The following KDM7A variants were observed in gnomAD, a reference collection of about 807,000 sequenced individuals.
The protein encoded by KDM7A is lysine demethylase 7A.
In KDM7A, 28 loss-of-function variants were observed where a neutral mutation model predicts 114.8. The ratio of observed to expected loss-of-function variants is 0.24; its 90% confidence interval spans 0.18 to 0.33. The LOEUF (loss-of-function observed/expected upper bound fraction) is 0.33, where lower values mean the gene tolerates loss of function less well. KDM7A is among the 10% of genes least tolerant of loss of function. The pLI is 1.00. For synonymous variants in KDM7A, 423 were observed against 397.8 expected (o/e 1.06, Z -0.75); for missense variants, 942 against 1,142.5 (o/e 0.82, Z 2.53).
intron 1 of KDM7A, among the ~76,000 whole-genome samples, chr7:140,166,390 A>T (rs141021695): frequency 0.012 from 1,512 of 130,500 alleles, 22 homozygotes; most frequent in African/African-American, 0.042. Context: ...CCCAGGCTGG[A>T]GTGCACTGGT....
chr7:140,120,720 T>C (rs189674301), intron 7 of KDM7A, among the ~76,000 whole-genome samples, 191 bp from the exon 8 acceptor site: 42 of 152,368 alleles, frequency 2.8e-4, no homozygotes, highest in South Asian at 8.3e-4. Flanking sequence ...GTAGGCTCTA[T>C]GCTGAGTTTG....
At chr7:140,103,993 G>T (rs1430755908) in intron 11 of KDM7A, among the ~76,000 whole-genome samples, 1 of 152,188 alleles carries the variant, frequency 6.6e-6, no homozygotes, top group Non-Finnish European at 1.5e-5. Flanking sequence ...ACTTTTTAAT[G>T]ACTGCCATTC....
chr7:140,136,402 A>C (rs535137709), intron 2 of KDM7A, among the ~76,000 whole-genome samples: 1 of 152,334 alleles, frequency 6.6e-6, no homozygotes, highest in Non-Finnish European at 1.5e-5. Flanking sequence ...CTAACCATAA[A>C]ATCAGCCACT....
intron 18 of KDM7A, 142 bp downstream of exon 18, chr7:140,093,914 T>A: frequency 1.5e-6 from 1 of 660,332 alleles, no homozygotes. Context: ...GGACAGTTGT[T>A]CAAATGTGCA....
intron 1 of KDM7A, among the ~76,000 whole-genome samples, chr7:140,167,842 A>G (rs745412956): frequency 6.6e-6 from 1 of 152,160 alleles, no homozygotes; most frequent in Non-Finnish European, 1.5e-5. Flanking sequence ...GACAACTGAA[A>G]GCTGGAAGAG....
intron 11 of KDM7A, among the ~76,000 whole-genome samples, chr7:140,102,528 G>T (rs1421498988): frequency 6.6e-6 from 1 of 152,070 alleles, no homozygotes; most frequent in African/African-American, 2.4e-5. Flanking sequence ...GACTACAGGC[G>T]CACGCCACTG....
intron 1 of KDM7A, among the ~76,000 whole-genome samples, chr7:140,144,775 G>A (rs528827878): frequency 1.4e-4 from 22 of 152,024 alleles, no homozygotes; most frequent in African/African-American, 5.1e-4. Flanking sequence ...GTTGGAGGTG[G>A]AGCCCGGTGT....
intron 1 of KDM7A, among the ~76,000 whole-genome samples, chr7:140,144,557 A>G (rs1450181702): frequency 1.3e-5 from 2 of 152,164 alleles, no homozygotes; most frequent in Non-Finnish European, 2.9e-5. Flanking sequence ...AGTGTGAGAC[A>G]CTCAGCTGAG....
intron 8 of KDM7A, among the ~76,000 whole-genome samples, chr7:140,119,814 G>A (rs887407966): frequency 6.6e-6 from 1 of 152,188 alleles, no homozygotes; most frequent in Non-Finnish European, 1.5e-5. Context: ...CTCTATGAGT[G>A]TGCCAAGTTA....
chr7:140,174,088 C>T (rs1308977968), intron 1 of KDM7A, among the ~76,000 whole-genome samples: 1 of 150,982 alleles, frequency 6.6e-6, no homozygotes, highest in Non-Finnish European at 1.5e-5. Flanking sequence ...CACTTGAACC[C>T]GGGAGGCGGA....
chr7:140,142,432 A>C (rs1794294463), intron 1 of KDM7A, among the ~76,000 whole-genome samples: 1 of 152,052 alleles, frequency 6.6e-6, no homozygotes, highest in Admixed American at 6.5e-5. Flanking sequence ...CAAAAAAAAA[A>C]ACCAATAGAA....
In KDM7A at chr7:140,086,621, C is replaced by T. The variant is rs1817927622; in HGVS notation, c.*4473G>A. On this transcript the variant is annotated 3_prime_UTR_variant, in exon 20 of 20. Coordinates refer to ENST00000397560, the MANE Select transcript of KDM7A (RefSeq NM_030647.2). ...ATGAGAAAATTAATTCTTCCCCTTT[C>T]TTTCCACCTGGTTTCAAGGAAGCAC... is the stretch of plus-strand genomic sequence containing the variant. 6.6e-6 allele frequency: 1 copy of T among 152,186 alleles called. No homozygotes were observed. The allele number at this position is 152,186 out of a possible 1,614,324, so 9.4% of individuals were successfully genotyped here.
Position 140,094,111 on chromosome 7 carries a change from T to G in KDM7A, c.2402A>C (p.Asp801Ala). ...CGYHVKTEDP[D>A]LRTSSWIKQF... ...TTTAATCCAGGAGGAAGTCCTCAAG[T>G]CTGGATCTTCAGTCTTGACATGGTA... Residue 801 changes from aspartate (D) to alanine (A), a missense_variant, in exon 18 of 20, where the codon GAC (aspartate) becomes GCC (alanine). Transcript: ENST00000397560. 6.3e-7 allele frequency: 1 copy of G among 1,599,514 alleles called. No homozygotes were observed. Among genetic ancestry groups the G allele is most frequent in the Non-Finnish European group, 8.6e-7 (1 of 1,166,592 alleles).
At chr7:140,123,887 C>G (rs183696030) in intron 7 of KDM7A, among the ~76,000 whole-genome samples, 3 of 151,914 alleles carry the variant, frequency 2.0e-5, no homozygotes, top group East Asian at 3.9e-4. Flanking sequence ...CTGGCTAACA[C>G]GTGACACCCG....
chr7:140,092,164 G>A (rs911109991), intron 18 of KDM7A, 87 bp from the exon 19 acceptor site: 3 of 1,246,746 alleles, frequency 2.4e-6, no homozygotes, highest in Non-Finnish European at 3.4e-6. Flanking sequence ...AGTCAAGTGA[G>A]AGAAGAAACA....
chr7:140,120,677 AGATTT>A (rs1295515603), intron 7 of KDM7A, 148 bp from the exon 8 acceptor site: 1 of 546,490 alleles, frequency 1.8e-6, no homozygotes, highest in African/African-American at 1.9e-5. Flanking sequence ...TACAATCTAT[AGATTT>A]AATTATTTAT....
At chr7:140,101,923 T>C (rs1818233941) in intron 12 of KDM7A, 28 bp downstream of exon 12, 1 of 1,502,412 alleles carries the variant, frequency 6.7e-7, no homozygotes, top group Admixed American at 1.7e-5. Context: ...CCAAGTTTCT[T>C]TTTGTTGTCA....
rs1794359702 is a variant in KDM7A at position 140,148,135 on chromosome 7, G to A, written c.195-8945C>T. Among the ~76,000 whole-genome samples, 4 of 151,730 alleles carry A rather than the reference G, an allele frequency of 2.6e-5. No individual in the cohort carries two copies. The South Asian group carries it at 8.3e-4, about 31-fold the overall frequency. On this transcript the variant is annotated intron_variant, in intron 1 of 19. Coordinates refer to ENST00000397560, the MANE Select transcript of KDM7A (RefSeq NM_030647.2). ...GAGGTTTGAGCCCAAATAGGAACTA[G>A]GCTTTTATGATTGGGCTTAGTATTT...
chr7:140,175,701 G>A (rs755512575), intron 1 of KDM7A, among the ~76,000 whole-genome samples: 1 of 152,130 alleles, frequency 6.6e-6, no homozygotes, highest in African/African-American at 2.4e-5. Flanking sequence ...CTGCGGAGGC[G>A]GCCCGAGCTC....
Sources: allele counts gnomAD v4.1 joint callset (sites outside exome capture counted in the v4.1 genomes callset), GRCh38; gene constraint gnomAD v4.1.1; transcripts MANE v1.5; gene names NCBI Gene and HGNC (gene_info 2026-07-23, HGNC 2026-07-21).